The following BACH2 variants were observed in gnomAD, a reference collection of about 807,000 sequenced individuals.
BACH2 encodes transcription regulator protein BACH2.
In BACH2, 5 loss-of-function variants were observed where a neutral mutation model predicts 61.8. The observed-to-expected ratio is 0.08, with a 90% CI of 0.04 to 0.17. The LOEUF (loss-of-function observed/expected upper bound fraction) is 0.17, where lower values mean the gene tolerates loss of function less well. Among genes scored for constraint, BACH2 ranks in the 10% least tolerant of loss-of-function variants. The pLI, the probability that BACH2 is intolerant of heterozygous loss-of-function variation, is 1.00. For synonymous variants in BACH2, 446 were observed against 440.1 expected, an observed-to-expected ratio of 1.01 and a Z score of -0.17; for missense variants, 824 against 1,091.1, an observed-to-expected ratio of 0.76 and a Z score of 3.45.
At position 89,930,793 on chromosome 6, in the gene BACH2, C is replaced by T. The variant is rs1415193450; in HGVS notation, c.*1615G>A. ...TTCCCGGTGATAGCTTGTCCAAAGCCTCAGAATGAAGTCTGCCTTCAGACA... is the reference window on the plus strand; with the variant it reads ...TTCCCGGTGATAGCTTGTCCAAAGCTTCAGAATGAAGTCTGCCTTCAGACA... On this transcript the variant is annotated 3_prime_UTR_variant, in exon 9 of 9. Coordinates refer to ENST00000257749, the MANE Select transcript of BACH2 (RefSeq NM_021813.4). The T allele has an allele frequency of 6.6e-6, 1 of 152,470 alleles. No individual in the cohort carries two copies. The highest frequency in any genetic ancestry group is 1.5e-5 in the Non-Finnish European group (1 of 68,082). The allele number at this position is 152,470 out of a possible 1,614,324, so 9.4% of individuals were successfully genotyped here. A position where few individuals can be genotyped will look rare whatever the true frequency, so the allele number is the denominator to read the frequency against.
chr6:90,292,829 T>C (rs1327559032), intron 1 of BACH2, among the ~76,000 whole-genome samples: 3 of 152,232 alleles, frequency 2.0e-5, no homozygotes, highest in Non-Finnish European at 4.4e-5. Flanking sequence ...TGAGCCAATA[T>C]TTAAAAATCA....
intron 3 of BACH2, among the ~76,000 whole-genome samples, chr6:90,245,041 C>CA (rs939089971): frequency 2.6e-5 from 4 of 151,486 alleles, no homozygotes; most frequent in Non-Finnish European, 5.9e-5. Context: ...TAAAAACACA[C>CA]AAAAAATTAG....
At chr6:90,068,013 A>G (rs567904849) in intron 5 of BACH2, among the ~76,000 whole-genome samples, 1 of 152,296 alleles carries the variant, frequency 6.6e-6, no homozygotes, top group South Asian at 2.1e-4. Flanking sequence ...AATATAACAA[A>G]TATTTCTGAG....
At chr6:90,114,421 G>T (rs930590155) in intron 4 of BACH2, among the ~76,000 whole-genome samples, 2 of 152,196 alleles carry the variant, frequency 1.3e-5, no homozygotes, top group Non-Finnish European at 2.9e-5. Flanking sequence ...AAAACCACAT[G>T]ATTATCTCAG....
chr6:90,122,956 G>A (rs2090446055), intron 4 of BACH2, among the ~76,000 whole-genome samples: 1 of 152,224 alleles, frequency 6.6e-6, no homozygotes, highest in African/African-American at 2.4e-5. Flanking sequence ...AATCTAGAAT[G>A]TTTTGCTTAA....
chr6:90,179,542 T>A (rs1768089174), intron 4 of BACH2, among the ~76,000 whole-genome samples: 1 of 152,178 alleles, frequency 6.6e-6, no homozygotes, highest in African/African-American at 2.4e-5. Context: ...AGGATAAGGC[T>A]TAGTTCTGGA....
Position 89,963,959 on chromosome 6 carries a change from G to T in BACH2, c.244-12097C>A, listed in dbSNP as rs186298561. On this transcript the variant is annotated intron_variant, in intron 6 of 8. Coordinates refer to ENST00000257749, the MANE Select transcript of BACH2 (RefSeq NM_021813.4). ...AAGTGAATTAAACTAATCATAAAAAGAAACTTCTGTGTGATTCCACTTATA... is the reference window on the plus strand; with the variant it reads ...AAGTGAATTAAACTAATCATAAAAATAAACTTCTGTGTGATTCCACTTATA... Among the ~76,000 whole-genome samples, 22 of 152,270 alleles carry T rather than the reference G, an allele frequency of 1.4e-4. No homozygotes were observed. The East Asian group carries it at 4.1e-3, about 28-fold the overall frequency.
intron 1 of BACH2, among the ~76,000 whole-genome samples, chr6:90,275,137 G>A (rs898528140): frequency 6.6e-6 from 1 of 152,210 alleles, no homozygotes; most frequent in African/African-American, 2.4e-5. Context: ...TGAAAGGACT[G>A]CTTCAGAAAT....
intron 4 of BACH2, among the ~76,000 whole-genome samples, chr6:90,122,181 C>T (rs1480215162): frequency 6.6e-6 from 1 of 152,240 alleles, no homozygotes; most frequent in Non-Finnish European, 1.5e-5. Context: ...CCTCTCTGCC[C>T]TTAAGGGGCC....
intron 4 of BACH2, among the ~76,000 whole-genome samples, chr6:90,131,950 C>T (rs779159625): frequency 1.4e-4 from 22 of 152,312 alleles, no homozygotes; most frequent in Admixed American, 3.3e-4. Context: ...GACTGCTCCT[C>T]CTTAGTATTA....
intron 6 of BACH2, among the ~76,000 whole-genome samples, chr6:90,006,564 G>A (rs1381632830): frequency 6.6e-6 from 1 of 152,186 alleles, no homozygotes; most frequent in Non-Finnish European, 1.5e-5. Context: ...TCTATTTTGA[G>A]TATGTAACAA....
intron 3 of BACH2, among the ~76,000 whole-genome samples, chr6:90,209,295 T>C (rs1769262527): frequency 1.3e-5 from 2 of 152,220 alleles, no homozygotes; most frequent in Admixed American, 6.5e-5. Flanking sequence ...GTAGTACGAA[T>C]ACATCCAAAC....
intron 7 of BACH2, among the ~76,000 whole-genome samples, chr6:89,947,290 C>A (rs2128355885): frequency 6.6e-6 from 1 of 152,266 alleles, no homozygotes; most frequent in East Asian, 1.9e-4. Context: ...AGCACTATTA[C>A]TGGGGATAAT....
At chr6:90,102,508 G>C (rs1782681201) in intron 4 of BACH2, among the ~76,000 whole-genome samples, 1 of 152,082 alleles carries the variant, frequency 6.6e-6, no homozygotes, top group African/African-American at 2.4e-5. Flanking sequence ...GCCCTCCTGG[G>C]CTGGGCGTGG....
intron 4 of BACH2, among the ~76,000 whole-genome samples, chr6:90,180,396 T>C (rs186919571): frequency 2.0e-5 from 3 of 152,324 alleles, no homozygotes; most frequent in Admixed American, 6.5e-5. Flanking sequence ...GTTATTTCAA[T>C]AGCTTTAGGC....
intron 6 of BACH2, among the ~76,000 whole-genome samples, chr6:89,980,067 C>G (rs551472826): frequency 1.6e-4 from 25 of 152,024 alleles, no homozygotes; most frequent in Non-Finnish European, 3.2e-4. Flanking sequence ...CTGAGGTAGG[C>G]GGATCACCTG....
At chr6:89,942,295 G>C (rs1460130671) in intron 7 of BACH2, among the ~76,000 whole-genome samples, 1 of 152,184 alleles carries the variant, frequency 6.6e-6, no homozygotes, top group African/African-American at 2.4e-5. Context: ...GCCACTGACT[G>C]TTTGGTCCCG....
chr6:90,141,170 AT>A (rs553186997), intron 4 of BACH2, among the ~76,000 whole-genome samples: 4 of 151,362 alleles, frequency 2.6e-5, no homozygotes, highest in Admixed American at 2.6e-4. Context: ...TGCGTGATAC[AT>A]TTTTTTTTCC....
chr6:90,128,535 C>G (rs534124206), intron 4 of BACH2, among the ~76,000 whole-genome samples: 1 of 152,132 alleles, frequency 6.6e-6, no homozygotes. Flanking sequence ...GAGCCAAGAT[C>G]GTGCCACTGC....
Sources: allele counts gnomAD v4.1 joint callset (sites outside exome capture counted in the v4.1 genomes callset), GRCh38; gene constraint gnomAD v4.1.1; transcripts MANE v1.5; gene names NCBI Gene and HGNC (gene_info 2026-07-23, HGNC 2026-07-21).